LRP1B: variants seen among roughly 807,000 people sequenced by gnomAD.
LRP1B encodes low-density lipoprotein receptor-related protein 1B.
LRP1B carries 217 observed loss-of-function variants against 556.6 expected under a neutral mutation model. That is an observed-to-expected ratio of 0.39 (90% CI 0.35 to 0.44). The LOEUF (loss-of-function observed/expected upper bound fraction) is 0.44, where lower values mean the gene tolerates loss of function less well. LRP1B is among the 20% of genes least tolerant of loss of function. The pLI is 1.00. For missense variants in LRP1B, 5,053 were observed against 5,620.8 expected, an observed-to-expected ratio of 0.90 and a Z score of 3.23; for synonymous variants, 2,047 against 1,865.8, an observed-to-expected ratio of 1.10 and a Z score of -2.50.
At chr2:141,714,677 G>A (rs1401450532) in intron 2 of LRP1B, among the ~76,000 whole-genome samples, 2 of 152,094 alleles carry the variant, frequency 1.3e-5, no homozygotes, top group Admixed American at 6.6e-5. Flanking sequence ...TGACCTGGCA[G>A]GAAGCTGCAT....
intron 2 of LRP1B, among the ~76,000 whole-genome samples, chr2:141,769,757 A>G (rs1694838527): frequency 6.6e-6 from 1 of 152,136 alleles, no homozygotes; most frequent in African/African-American, 2.4e-5. Flanking sequence ...TTGGAACTGC[A>G]TTTTGAACTT....
At chr2:140,311,377 G>A (rs935333397) in intron 83 of LRP1B, among the ~76,000 whole-genome samples, 1 of 151,734 alleles carries the variant, frequency 6.6e-6, no homozygotes, top group African/African-American at 2.4e-5. Flanking sequence ...CATGTTTTTT[G>A]TAGTAACATG....
At chr2:141,634,429 C>T (rs1192605850) in intron 2 of LRP1B, among the ~76,000 whole-genome samples, 1 of 151,454 alleles carries the variant, frequency 6.6e-6, no homozygotes, top group African/African-American at 2.4e-5. Context: ...AAGTTCAAGC[C>T]CATTGTTTTG....
chr2:140,740,668 T>C (rs1282118753), intron 35 of LRP1B, among the ~76,000 whole-genome samples: 2 of 151,788 alleles, frequency 1.3e-5, no homozygotes, highest in Non-Finnish European at 2.9e-5. Context: ...AAAAGAAAAA[T>C]GAAATTTATT....
chr2:141,135,076 T>C (rs989324532), intron 7 of LRP1B, among the ~76,000 whole-genome samples: 11 of 151,682 alleles, frequency 7.3e-5, no homozygotes, highest in African/African-American at 2.4e-4. Context: ...TCTTCTAATA[T>C]AGGAAAGTGT....
At chr2:141,844,918 A>G (rs1451342212) in intron 1 of LRP1B, among the ~76,000 whole-genome samples, 2 of 151,952 alleles carry the variant, frequency 1.3e-5, no homozygotes, top group African/African-American at 4.8e-5. Context: ...TTCCAATGAG[A>G]TTAGAATTTT....
Position 140,736,264 on chromosome 2 carries a change from A to T in LRP1B, c.5759-19448T>A, listed in dbSNP as rs538844055. ...CATTCACTAGGGCTGATAGTACTGT[A>T]GTTGCAGTAGGGGAATCAGCATCAC... On this transcript the variant is annotated intron_variant, in intron 35 of 90. Coordinates refer to ENST00000389484, the MANE Select transcript of LRP1B (RefSeq NM_018557.3). 2.6e-5 allele frequency among the ~76,000 whole-genome samples: 4 copies of T among 152,262 alleles called. No individual in the cohort carries two copies. In the East Asian group the frequency reaches 7.7e-4, roughly 29 times the overall value.
At position 141,019,947 on chromosome 2, in the gene LRP1B, C is replaced by T. The variant is rs1382736469; in HGVS notation, c.1945G>A (p.Gly649Arg). The T allele has an allele frequency of 6.2e-7, 1 of 1,606,644 alleles. No homozygotes were observed. Among genetic ancestry groups the T allele is most frequent in the Admixed American group, 1.7e-5 (1 of 59,398 alleles). The change falls in exon 12 of 91, where the codon GGA (glycine) becomes AGA (arginine). Residue 649 changes from glycine to arginine, a missense_variant. Gly to Arg is a moderately radical substitution (Grantham distance 125, BLOSUM62 -2). Coordinates refer to ENST00000389484, the MANE Select transcript of LRP1B (RefSeq NM_018557.3). ...LLEGEMSHPRGIVVDPVNGWM... is the reference protein window; with the variant it reads ...LLEGEMSHPRRIVVDPVNGWM... ...CCATTAACTGGATCCACCACAATTC[C>T]TCTGGGATGAGACATTTCACCCTCT...
intron 2 of LRP1B, among the ~76,000 whole-genome samples, chr2:141,716,432 T>C (rs914169108): frequency 3.3e-5 from 5 of 152,200 alleles, no homozygotes; most frequent in African/African-American, 9.6e-5. Flanking sequence ...TATGTATATA[T>C]ATTTTTTTCA....
chr2:141,538,992 C>T (rs1685157473), intron 2 of LRP1B, among the ~76,000 whole-genome samples: 1 of 152,096 alleles, frequency 6.6e-6, no homozygotes, highest in Non-Finnish European at 1.5e-5. Context: ...TCAGTGTGCA[C>T]ACATGTATAT....
chr2:140,250,464 A>T (rs1681362806), intron 86 of LRP1B, among the ~76,000 whole-genome samples: 1 of 151,656 alleles, frequency 6.6e-6, no homozygotes, highest in Non-Finnish European at 1.5e-5. Context: ...TGCTCTTAGC[A>T]GTTTCCTGCT....
intron 86 of LRP1B, among the ~76,000 whole-genome samples, chr2:140,248,129 G>A (rs1442491295): frequency 6.6e-6 from 1 of 151,654 alleles, no homozygotes; most frequent in African/African-American, 2.4e-5. Context: ...TTCGGGCATA[G>A]CCAATTTTGA....
intron 18 of LRP1B, among the ~76,000 whole-genome samples, chr2:140,978,260 A>G (rs1452725825): frequency 1.3e-5 from 2 of 152,216 alleles, no homozygotes; most frequent in African/African-American, 4.8e-5. Context: ...ATTCCAGTGA[A>G]AACCTGACCC....
At chr2:142,096,738 A>T (rs1378482928) in intron 1 of LRP1B, among the ~76,000 whole-genome samples, 4 of 151,624 alleles carry the variant, frequency 2.6e-5, no homozygotes, top group Non-Finnish European at 4.4e-5. Flanking sequence ...TTAAACTTGT[A>T]TTTTAAATTC....
intron 7 of LRP1B, among the ~76,000 whole-genome samples, chr2:141,157,975 A>T (rs898337167): frequency 1.3e-5 from 2 of 152,162 alleles, no homozygotes; most frequent in Non-Finnish European, 2.9e-5. Flanking sequence ...TGTATCTACA[A>T]ATACACCAGT....
chr2:141,566,268 A>G (rs983455095), intron 2 of LRP1B, among the ~76,000 whole-genome samples: 1 of 152,152 alleles, frequency 6.6e-6, no homozygotes, highest in Admixed American at 6.5e-5. Context: ...TGCCAAAAAC[A>G]AACCCAAGCT....
At chr2:141,909,525 C>T (rs34879655) in intron 1 of LRP1B, among the ~76,000 whole-genome samples, 40,737 of 116,378 alleles carry the variant, frequency 0.35, 7,041 homozygotes, top group Admixed American at 0.45. Context: ...AGGTCTCAGA[C>T]ATTTTTTTTT....
At chr2:141,189,214 G>A (rs1214636538) in intron 6 of LRP1B, among the ~76,000 whole-genome samples, 1 of 152,016 alleles carries the variant, frequency 6.6e-6, no homozygotes, top group Non-Finnish European at 1.5e-5. Context: ...ACTTTCTACA[G>A]TGATGGTGAG....
chr2:140,534,991 T>C (rs1260193318), intron 46 of LRP1B, among the ~76,000 whole-genome samples: 2 of 152,128 alleles, frequency 1.3e-5, no homozygotes, highest in African/African-American at 4.8e-5. Context: ...CCAAAGCCCA[T>C]ACTCTACACC....
Sources: allele counts gnomAD v4.1 joint callset (sites outside exome capture counted in the v4.1 genomes callset), GRCh38; gene constraint gnomAD v4.1.1; transcripts MANE v1.5; gene names NCBI Gene and HGNC (gene_info 2026-07-23, HGNC 2026-07-21).